Variants in GLYATL2 observed in about 807,000 individuals in gnomAD.
GLYATL2 encodes the protein glycine N-acyltransferase-like protein 2.
Under a neutral mutation model 21.4 loss-of-function variants are expected in GLYATL2, and 25 were observed. The observed-to-expected ratio is 1.17, with a 90% CI of 0.85 to 1.63. The LOEUF is 1.63. Among genes scored for constraint, GLYATL2 ranks in the 40% most tolerant of loss-of-function variants. The pLI, the probability that GLYATL2 is intolerant of heterozygous loss-of-function variation, is 0.00. For synonymous variants in GLYATL2, 114 were observed against 118.2 expected, an observed-to-expected ratio of 0.96 and a Z score of 0.23; for missense variants, 361 against 343.3, an observed-to-expected ratio of 1.05 and a Z score of -0.41.
intron 1 of GLYATL2, among the ~76,000 whole-genome samples, chr11:58,877,286 C>T (rs527995323): frequency 6.6e-6 from 1 of 152,194 alleles, no homozygotes; most frequent in Admixed American, 6.5e-5. Flanking sequence ...GTGTGCTGCA[C>T]CCGCTATACA....
chr11:58,899,484 C>T (rs919250303), intron 1 of GLYATL2, among the ~76,000 whole-genome samples: 50 of 151,928 alleles, frequency 3.3e-4, no homozygotes, highest in African/African-American at 1.2e-3. Context: ...CATGATTTGA[C>T]GACAGAAGAT....
At chr11:58,891,508 C>G (rs541570935) in intron 1 of GLYATL2, among the ~76,000 whole-genome samples, 6 of 152,290 alleles carry the variant, frequency 3.9e-5, no homozygotes, top group African/African-American at 1.4e-4. Flanking sequence ...TTGGTATTCA[C>G]TAAAGTATCT....
intron 1 of GLYATL2, among the ~76,000 whole-genome samples, chr11:58,863,363 T>G (rs1477269895): frequency 6.6e-6 from 1 of 152,050 alleles, no homozygotes; most frequent in Non-Finnish European, 1.5e-5. Flanking sequence ...TGGTGCAGGA[T>G]TAGAGCCTGC....
intron 1 of GLYATL2, among the ~76,000 whole-genome samples, chr11:58,880,168 T>C (rs770903670): frequency 1.3e-5 from 2 of 152,172 alleles, no homozygotes; most frequent in Non-Finnish European, 2.9e-5. Context: ...AACAGTTTCT[T>C]AAAGAGTATG....
At chr11:58,848,585 T>C (rs1302710465), upstream of GLYATL2, among the ~76,000 whole-genome samples, 2 of 151,970 alleles carry the variant, frequency 1.3e-5, no homozygotes, top group Non-Finnish European at 2.9e-5. Context: ...GGACCTTTAT[T>C]CGCAGAATTA....
upstream of GLYATL2, chr11:58,908,268 G>A (rs1854955160): frequency 6.6e-6 from 1 of 152,242 alleles, no homozygotes; most frequent in Non-Finnish European, 1.5e-5. Context: ...GATAGCCATA[G>A]GGGTTACCGC....
At chr11:58,843,711 G>A (rs1203377605) in intron 1 of GLYATL2, among the ~76,000 whole-genome samples, 1 of 144,142 alleles carries the variant, frequency 6.9e-6, no homozygotes, top group Admixed American at 7.0e-5. Context: ...GAATAGCAAT[G>A]TTAATAGACA....
chr11:58,875,304 T>G (rs1565101416), intron 1 of GLYATL2, among the ~76,000 whole-genome samples: 1 of 152,226 alleles, frequency 6.6e-6, no homozygotes, highest in Non-Finnish European at 1.5e-5. Flanking sequence ...AGGTTAGTAC[T>G]GTTATGTGTG....
At chr11:58,889,016 A>G (rs966623225) in intron 1 of GLYATL2, among the ~76,000 whole-genome samples, 2 of 78,896 alleles carry the variant, frequency 2.5e-5, no homozygotes, top group Admixed American at 3.3e-4. Context: ...ATCTACAAAT[A>G]TGCTCTTTTT....
At chr11:58,902,226 G>GA (rs150102664) in intron 1 of GLYATL2, among the ~76,000 whole-genome samples, 5 of 152,124 alleles carry the variant, frequency 3.3e-5, no homozygotes, top group African/African-American at 1.2e-4. Flanking sequence ...AGGAGGACAG[G>GA]AAAAAAACCA....
chr11:58,863,069 T>C (rs1252994383), intron 1 of GLYATL2, among the ~76,000 whole-genome samples: 1 of 152,200 alleles, frequency 6.6e-6, no homozygotes, highest in Admixed American at 6.5e-5. Flanking sequence ...CAGCTGGTGG[T>C]AGGCTTGGTT....
At chr11:58,896,666 C>T (rs1449610112) in intron 1 of GLYATL2, among the ~76,000 whole-genome samples, 2 of 152,174 alleles carry the variant, frequency 1.3e-5, no homozygotes, top group African/African-American at 4.8e-5. Context: ...AGAGAGGCTG[C>T]AATAAAAGCA....
chr11:58,887,276 T>C (rs780505122), intron 1 of GLYATL2, among the ~76,000 whole-genome samples: 1 of 152,108 alleles, frequency 6.6e-6, no homozygotes, highest in Non-Finnish European at 1.5e-5. Flanking sequence ...TAATGAAATA[T>C]ACTGCAATTT....
chr11:58,839,668 C>A lies in GLYATL2; in HGVS notation c.-40-16G>T. On this transcript the variant is annotated splice_polypyrimidine_tract_variant and intron_variant, in intron 1 of 5. Transcript: ENST00000287275. ...AGAAGATGATCTAAGGAAATAAACA[C>A]AAAAACAAAAATACCTAGAGAGATA... The A allele has an allele frequency of 3.2e-6, 4 of 1,267,016 alleles. No individual in the cohort carries two copies. In the Admixed American group the frequency reaches 5.9e-5, roughly 19 times the overall value. The allele number at this position is 1,267,016 out of a possible 1,614,324, so 78.5% of individuals were successfully genotyped here.
chr11:58,900,415 G>A (rs889953355), intron 1 of GLYATL2, among the ~76,000 whole-genome samples: 1 of 152,200 alleles, frequency 6.6e-6, no homozygotes, highest in African/African-American at 2.4e-5. Flanking sequence ...AGGTGCGAAA[G>A]CAGGATGCCT....
chr11:58,908,032 A>G (rs1460268672), upstream of GLYATL2: 2 of 152,742 alleles, frequency 1.3e-5, no homozygotes, highest in Non-Finnish European at 2.9e-5. Context: ...CAACAGTTTC[A>G]TTATACTCAT....
chr11:58,838,381 A>C lies in GLYATL2; in HGVS notation c.79-13T>G. The C allele has an allele frequency of 6.6e-7, 1 of 1,508,264 alleles. No homozygotes were observed. Among genetic ancestry groups the C allele is most frequent in the Non-Finnish European group, 9.2e-7 (1 of 1,085,140 alleles). 93.4% of individuals were successfully genotyped at this position (1,508,264 alleles called of 1,614,324 possible). Reference sequence around the variant, plus strand: ...TGGCGCCATATACCTACGATGCAACAGAACAAAGCAGGAGAGGATGAAGTT... The same window carrying C: ...TGGCGCCATATACCTACGATGCAACCGAACAAAGCAGGAGAGGATGAAGTT... On this transcript the variant is annotated splice_polypyrimidine_tract_variant and intron_variant, in intron 2 of 5. Transcript: ENST00000287275.
intron 1 of GLYATL2, among the ~76,000 whole-genome samples, chr11:58,894,059 A>G (rs1854592212): frequency 6.6e-6 from 1 of 152,188 alleles, no homozygotes; most frequent in Non-Finnish European, 1.5e-5. Flanking sequence ...GGCCTCTGCT[A>G]TGGAAATGAC....
intron 2 of GLYATL2, 112 bp downstream of exon 2, chr11:58,839,423 G>T: frequency 1.7e-6 from 1 of 594,838 alleles, no homozygotes; most frequent in Non-Finnish European, 2.9e-6. Context: ...TCTTTGCACA[G>T]ATTCTCACTT....
Sources: allele counts gnomAD v4.1 joint callset (sites outside exome capture counted in the v4.1 genomes callset), GRCh38; gene constraint gnomAD v4.1.1; transcripts MANE v1.5; gene names NCBI Gene and HGNC (gene_info 2026-07-23, HGNC 2026-07-21).